The following ANO3 variants were observed in gnomAD, a reference collection of about 807,000 sequenced individuals.
ANO3 encodes anoctamin-3.
A neutral mutation model predicts 144.8 loss-of-function variants in ANO3; 99 were observed. The observed-to-expected ratio is 0.68, with a 90% CI of 0.58 to 0.81. The LOEUF (loss-of-function observed/expected upper bound fraction) is 0.81, where lower values mean the gene tolerates loss of function less well. Among genes scored for constraint, ANO3 ranks in the 30% least tolerant of loss-of-function variants. The pLI is 0.00. For synonymous variants in ANO3, 414 were observed against 392.6 expected, an observed-to-expected ratio of 1.05 and a Z score of -0.64; for missense variants, 905 against 1,202.2, an observed-to-expected ratio of 0.75 and a Z score of 3.66.
chr11:26,204,270 C>T (rs2133915132), intron 1 of ANO3, among the ~76,000 whole-genome samples: 1 of 152,102 alleles, frequency 6.6e-6, no homozygotes, highest in East Asian at 1.9e-4. Context: ...TTAAGTAGGT[C>T]CCTTTCAATA....
chr11:26,494,721 C>T (rs1489778901), intron 4 of ANO3, among the ~76,000 whole-genome samples: 1 of 152,114 alleles, frequency 6.6e-6, no homozygotes, highest in Non-Finnish European at 1.5e-5. Flanking sequence ...AACAGGGGCT[C>T]CTAGAACGGA....
At chr11:26,498,896 CAG>C (rs1452242208) in intron 4 of ANO3, among the ~76,000 whole-genome samples, 1 of 151,824 alleles carries the variant, frequency 6.6e-6, no homozygotes, top group Non-Finnish European at 1.5e-5. Context: ...AAAAATGTAA[CAG>C]ACATTGCTTT....
At chr11:26,361,430 C>A (rs1054868838) in intron 1 of ANO3, among the ~76,000 whole-genome samples, 1 of 152,158 alleles carries the variant, frequency 6.6e-6, no homozygotes, top group African/African-American at 2.4e-5. Context: ...GCATTCAACA[C>A]AGAAATGTGA....
chr11:26,300,419 T>C (rs1854200295), intron 1 of ANO3, among the ~76,000 whole-genome samples: 1 of 152,106 alleles, frequency 6.6e-6, no homozygotes, highest in Non-Finnish European at 1.5e-5. Context: ...TTTGCAAAGT[T>C]AAAAGGTTAA....
At chr11:26,601,171 T>C (rs2132936000) in intron 17 of ANO3, among the ~76,000 whole-genome samples, 1 of 152,278 alleles carries the variant, frequency 6.6e-6, no homozygotes, top group East Asian at 1.9e-4. Flanking sequence ...ATTTACATCA[T>C]GAGATAATTT....
At chr11:26,297,287 T>C (rs1854116500) in intron 1 of ANO3, among the ~76,000 whole-genome samples, 2 of 152,142 alleles carry the variant, frequency 1.3e-5, no homozygotes, top group Middle Eastern at 3.4e-3. Flanking sequence ...TTTATGAGGA[T>C]CATTTTAAAT....
chr11:26,559,621 TA>T, intron 13 of ANO3, 97 bp from the exon 14 acceptor site: 1 of 821,366 alleles, frequency 1.2e-6, no homozygotes, highest in Non-Finnish European at 2.1e-6. Flanking sequence ...AATATGATTC[TA>T]TTTGAGAAAA....
At chr11:26,474,574 T>C (rs969178638) in intron 4 of ANO3, among the ~76,000 whole-genome samples, 1 of 151,904 alleles carries the variant, frequency 6.6e-6, no homozygotes, top group African/African-American at 2.4e-5. Context: ...GTGTTAAATG[T>C]TAAAATAAAT....
rs1259720808 is a variant in ANO3 at position 26,343,220 on chromosome 11, T to C, written c.46+10899T>C. On this transcript the variant is annotated intron_variant, in intron 1 of 26. Coordinates refer to ENST00000256737, the MANE Select transcript of ANO3 (RefSeq NM_031418.4). ...TTAGATTCCACATAAAATGAGATCA[T>C]GCAATATTTGTCTTCCTGTACCTGG... Among the ~76,000 whole-genome samples, 3 of 152,222 alleles carry C rather than the reference T, an allele frequency of 2.0e-5. No individual in the cohort carries two copies. The East Asian group carries it at 5.8e-4, about 29-fold the overall frequency.
intron 1 of ANO3, among the ~76,000 whole-genome samples, chr11:26,427,851 C>T (rs755010629): frequency 1.5e-4 from 23 of 152,064 alleles, no homozygotes; most frequent in Non-Finnish European, 1.5e-4. Flanking sequence ...CTTCTCATGG[C>T]GGCAGCAAGA....
chr11:26,655,047 C>T (rs958807438), intron 24 of ANO3, among the ~76,000 whole-genome samples: 1 of 152,114 alleles, frequency 6.6e-6, no homozygotes, highest in African/African-American at 2.4e-5. Flanking sequence ...CAGGCCCCCT[C>T]CTTCTTGCAG....
At chr11:26,283,321 A>AATATATATATAT (rs58419788) in intron 1 of ANO3, among the ~76,000 whole-genome samples, 98 of 48,970 alleles carry the variant, frequency 2.0e-3, no homozygotes, top group Non-Finnish European at 2.4e-3. Flanking sequence ...CAAATAAATA[A>AATATATATATAT]ATATATATAT....
At chr11:26,437,344 G>C (rs1246015373) in intron 1 of ANO3, among the ~76,000 whole-genome samples, 1 of 152,188 alleles carries the variant, frequency 6.6e-6, no homozygotes, top group Non-Finnish European at 1.5e-5. Flanking sequence ...GGCCCTGTTG[G>C]AGTGGGTTCA....
In ANO3 at chr11:26,544,629, G is replaced by A. The variant is rs1200850723; in HGVS notation, c.1154+2561G>A. On this transcript the variant is annotated intron_variant, in intron 11 of 26. Coordinates refer to ENST00000256737, the MANE Select transcript of ANO3 (RefSeq NM_031418.4). ...AATAAGAATAAATATGTGAGGTAATGCATATGTTAATTAACTTCATTTAGT... is the reference window on the plus strand; with the variant it reads ...AATAAGAATAAATATGTGAGGTAATACATATGTTAATTAACTTCATTTAGT... Among the ~76,000 whole-genome samples, 4 of 151,852 alleles carry A rather than the reference G, an allele frequency of 2.6e-5. No individual in the cohort carries two copies. The East Asian group carries it at 5.9e-4, about 22-fold the overall frequency.
intron 13 of ANO3, among the ~76,000 whole-genome samples, chr11:26,555,465 C>T (rs1011369902): frequency 6.6e-6 from 1 of 152,180 alleles, no homozygotes; most frequent in South Asian, 2.1e-4. Flanking sequence ...GGAAACACTA[C>T]ATCTAGGTTG....
intron 1 of ANO3, among the ~76,000 whole-genome samples, chr11:26,405,281 A>C (rs568545330): frequency 6.6e-6 from 1 of 151,526 alleles, no homozygotes; most frequent in African/African-American, 2.4e-5. Context: ...CTCCTCAGTC[A>C]CCTTTGGATA....
intron 1 of ANO3, among the ~76,000 whole-genome samples, chr11:26,326,851 T>C (rs960679777): frequency 3.3e-5 from 5 of 152,186 alleles, no homozygotes; most frequent in Non-Finnish European, 1.5e-5. Flanking sequence ...ATCAAAAGCA[T>C]GGCAATTCAC....
chr11:26,406,932 A>C (rs1227314843), intron 1 of ANO3, among the ~76,000 whole-genome samples: 1 of 148,910 alleles, frequency 6.7e-6, no homozygotes, highest in Non-Finnish European at 1.5e-5. Context: ...GTATATATAT[A>C]AATACATCTG....
chr11:26,236,445 G>C (rs946503273), intron 1 of ANO3, among the ~76,000 whole-genome samples: 1 of 151,948 alleles, frequency 6.6e-6, no homozygotes, highest in Non-Finnish European at 1.5e-5. Flanking sequence ...TGAAATAAAA[G>C]AATAAAAATA....
Sources: allele counts gnomAD v4.1 joint callset (sites outside exome capture counted in the v4.1 genomes callset), GRCh38; gene constraint gnomAD v4.1.1; transcripts MANE v1.5; gene names NCBI Gene and HGNC (gene_info 2026-07-23, HGNC 2026-07-21).